Variants in PZP observed in about 807,000 individuals in gnomAD.
PZP encodes the protein pregnancy zone protein.
A neutral mutation model predicts 179.8 loss-of-function variants in PZP; 150 were observed. That is an observed-to-expected ratio of 0.83 (90% confidence interval 0.73 to 0.96). PZP has a LOEUF of 0.96. PZP is among the 40% of genes least tolerant of loss of function. The pLI is 0.00. For synonymous variants in PZP, 624 were observed against 652.3 expected (o/e 0.96, Z 0.66); for missense variants, 1,689 against 1,764.0 (o/e 0.96, Z 0.76).
chr12:9,148,204 T>A (rs137870646), downstream of PZP, among the ~76,000 whole-genome samples: 1 of 152,220 alleles, frequency 6.6e-6, no homozygotes, highest in Non-Finnish European at 1.5e-5. Context: ...AATTAACATG[T>A]ACATTACTTC....
intron 9 of PZP, 44 bp downstream of exon 9, chr12:9,196,527 A>G: frequency 6.3e-7 from 1 of 1,575,062 alleles, no homozygotes; most frequent in East Asian, 2.2e-5. Context: ...TGTTATGGAA[A>G]GTAAACTATT....
chr12:9,201,198 G>A, intron 5 of PZP, 129 bp downstream of exon 5: 2 of 1,347,026 alleles, frequency 1.5e-6, no homozygotes, highest in Middle Eastern at 1.9e-4. Context: ...CAATCAACCT[G>A]ACAACTGGGA....
At chr12:9,138,610 T>C in the PZP span, among the ~76,000 whole-genome samples, 1 of 152,046 alleles carries the variant, frequency 6.6e-6, no homozygotes, top group African/African-American at 2.4e-5. Flanking sequence ...AGAATCTACC[T>C]GTGAAGCTAT....
At chr12:9,152,680 T>C (rs1940446918) in intron 31 of PZP, 144 bp downstream of exon 31, 3 of 839,466 alleles carry the variant, frequency 3.6e-6, no homozygotes, top group Admixed American at 3.0e-5. Context: ...CACGTCATAA[T>C]GATAAAAGCC....
downstream of PZP, among the ~76,000 whole-genome samples, chr12:9,146,413 A>C (rs1206584748): frequency 6.6e-6 from 1 of 152,040 alleles, no homozygotes; most frequent in African/African-American, 2.4e-5. Flanking sequence ...CTCACTGCTC[A>C]TACATTGTTC....
chr12:9,204,302 C>A (rs1276263466), intron 1 of PZP, among the ~76,000 whole-genome samples: 2 of 152,112 alleles, frequency 1.3e-5, no homozygotes, highest in Non-Finnish European at 2.9e-5. Context: ...CATAAAAGTG[C>A]ACGCACACAA....
chr12:9,176,979 C>T (rs1175552414), intron 15 of PZP, among the ~76,000 whole-genome samples: 1 of 152,188 alleles, frequency 6.6e-6, no homozygotes, highest in Non-Finnish European at 1.5e-5. Flanking sequence ...CAATGAGAAT[C>T]TCAGAGAGAG....
chr12:9,189,239 C>T (rs1435205637), intron 13 of PZP, among the ~76,000 whole-genome samples: 1 of 152,232 alleles, frequency 6.6e-6, no homozygotes, highest in East Asian at 1.9e-4. Flanking sequence ...CACCACCCAA[C>T]TTCAAACTAT....
intron 1 of PZP, 128 bp downstream of exon 1, chr12:9,208,131 A>G (rs1944533569): frequency 1.5e-6 from 1 of 659,612 alleles, no homozygotes; most frequent in Non-Finnish European, 2.7e-6. Flanking sequence ...GATTAACTGG[A>G]ATAATTTCTT....
chr12:9,154,862 T>C (rs1306884668), intron 28 of PZP, 23 bp from the exon 29 acceptor site: 14 of 1,583,372 alleles, frequency 8.8e-6, no homozygotes, highest in Non-Finnish European at 1.2e-5. Context: ...AAAAAGGAGA[T>C]AATTGTAACT....
intron 21 of PZP, 108 bp from the exon 22 acceptor site, chr12:9,162,756 CA>C (rs1941299361): frequency 1.1e-6 from 1 of 901,984 alleles, no homozygotes; most frequent in Admixed American, 2.4e-5. Flanking sequence ...TGATGTTTAC[CA>C]TCCTACTCTT....
chr12:9,191,048 T>C (rs766116358), intron 13 of PZP, among the ~76,000 whole-genome samples: 6 of 152,128 alleles, frequency 3.9e-5, no homozygotes, highest in South Asian at 4.1e-4. Context: ...TATAGAGAAA[T>C]TTTTTCCAAT....
rs113547066 is a variant in PZP, at chr12:9,152,272, A to G, written c.4160T>C (p.Val1387Ala). The part of the protein sequence containing the change: ...GNRPASNMVI[V>A]DVKMVSGFIP... ...AAAACCAGATACCATCTTTACATCA[A>G]CAATCACCATATTGGAAGCAGGACG... Residue 1387 changes from valine (V) to alanine (A), a missense_variant, in exon 32 of 36, where the codon GTT (valine) becomes GCT (alanine). Val to Ala is a moderately conservative substitution (Grantham distance 64). Coordinates refer to ENST00000261336, the MANE Select transcript of PZP (RefSeq NM_002864.3). 2 of 1,613,408 alleles carry G rather than the reference A, an allele frequency of 1.2e-6. No homozygotes were observed. The highest frequency in any genetic ancestry group is 1.7e-6 in the Non-Finnish European group (2 of 1,179,370).
intron 26 of PZP, 103 bp from the exon 27 acceptor site, chr12:9,157,944 G>C: frequency 6.2e-6 from 6 of 972,596 alleles, no homozygotes; most frequent in Non-Finnish European, 9.6e-6. Context: ...TCCATTCAAA[G>C]TATACCATTT....
Position 9,160,994 on chromosome 12 carries a change from C to T in PZP, c.2872+39G>A, listed in dbSNP as rs757801055. The T allele has an allele frequency of 6.1e-6, 9 of 1,469,142 alleles. No homozygotes were observed. In the Admixed American group the frequency reaches 1.5e-4, roughly 25 times the overall value. 91.0% of individuals were successfully genotyped at this position (1,469,142 alleles called of 1,614,324 possible). A position where few individuals can be genotyped will look rare whatever the true frequency, so the allele number is the denominator to read the frequency against. On this transcript the variant is annotated intron_variant, in intron 23 of 35. Coordinates refer to ENST00000261336, the MANE Select transcript of PZP (RefSeq NM_002864.3). ...ACGTAGATAAGATGTACAGTGGCAA[C>T]TCTTTTGGCCCAGGTTTACTAAATG...
In PZP at chr12:9,166,051, C is replaced by G; in HGVS notation, c.2258+1G>C. ...AAATGGAGGAAAGTAAAGTTACTTA[C>G]TTCACTGCCACCAACTCCCAGATCC... is the stretch of plus-strand genomic sequence containing the variant. On this transcript the variant is annotated splice_donor_variant, in intron 18 of 35. Transcript: ENST00000261336. LOFTEE classifies it high-confidence loss of function. 1 of 1,603,362 alleles carries G rather than the reference C, an allele frequency of 6.2e-7. No homozygotes were observed. Among genetic ancestry groups the G allele is most frequent in the Non-Finnish European group, 8.5e-7 (1 of 1,176,704 alleles).
chr12:9,191,630 CTTAGT>C (rs1943461649), intron 13 of PZP, among the ~76,000 whole-genome samples: 1 of 151,908 alleles, frequency 6.6e-6, no homozygotes, highest in East Asian at 1.9e-4. Context: ...AAATGTTTCC[CTTAGT>C]TTAGGTTAAT....
intron 13 of PZP, among the ~76,000 whole-genome samples, chr12:9,188,839 C>A (rs778614629): frequency 6.6e-6 from 1 of 152,082 alleles, no homozygotes; most frequent in African/African-American, 2.4e-5. Flanking sequence ...AAGATCTATA[C>A]AATGAGAATT....
intron 28 of PZP, chr12:9,156,075 G>A (rs1940734142): frequency 4.4e-6 from 1 of 227,428 alleles, no homozygotes. Flanking sequence ...GAGTGTGCTT[G>A]ATTTGTTCTG....
Sources: gnomAD v4.1 joint callset for allele counts (sites outside exome capture counted in the v4.1 genomes callset) on GRCh38, gnomAD v4.1.1 for gene constraint, MANE v1.5 for transcripts, NCBI Gene and HGNC (gene_info 2026-07-23, HGNC 2026-07-21) for gene names.